RBFOX1: variants seen among roughly 807,000 people sequenced by gnomAD.
The protein encoded by RBFOX1 is RNA binding protein fox-1 homolog 1.
RBFOX1 carries 8 observed loss-of-function variants against 57.7 expected under a neutral mutation model. The ratio of observed to expected loss-of-function variants is 0.14; its 90% CI spans 0.08 to 0.25. The LOEUF (loss-of-function observed/expected upper bound fraction) is 0.25, where lower values mean the gene tolerates loss of function less well. RBFOX1 is among the 10% of genes least tolerant of loss of function. The pLI is 1.00. For synonymous variants in RBFOX1, 326 were observed against 222.4 expected (o/e 1.47, Z -4.15); for missense variants, 611 against 548.5 (o/e 1.11, Z -1.14).
chr16:5,931,358 A>G (rs2059053067), intron 4 of RBFOX1, among the ~76,000 whole-genome samples: 1 of 152,184 alleles, frequency 6.6e-6, no homozygotes, highest in African/African-American at 2.4e-5. Context: ...TTAACAAAAT[A>G]ACATCACTTG....
chr16:6,905,066 C>G (rs914098750), intron 3 of RBFOX1, among the ~76,000 whole-genome samples: 3 of 152,110 alleles, frequency 2.0e-5, no homozygotes, highest in Non-Finnish European at 2.9e-5. Flanking sequence ...ACTTAATAAA[C>G]TTCGTTTAAC....
intron 4 of RBFOX1, among the ~76,000 whole-genome samples, chr16:5,889,737 G>A (rs1281490583): frequency 2.6e-5 from 4 of 152,200 alleles, no homozygotes; most frequent in African/African-American, 9.6e-5. Context: ...ACCTAGTCCT[G>A]GGGTTGGGGA....
At chr16:6,427,276 C>T (rs555676971) in intron 2 of RBFOX1, among the ~76,000 whole-genome samples, 5 of 152,280 alleles carry the variant, frequency 3.3e-5, no homozygotes, top group East Asian at 1.9e-4. Flanking sequence ...TGATAAAAGC[C>T]GTCCAGAGTA....
At chr16:7,384,371 C>G (rs1033931402) in intron 4 of RBFOX1, among the ~76,000 whole-genome samples, 1 of 152,140 alleles carries the variant, frequency 6.6e-6, no homozygotes, top group East Asian at 1.9e-4. Context: ...TCAGGTGCAA[C>G]AGGCACCTTT....
intron 3 of RBFOX1, among the ~76,000 whole-genome samples, chr16:5,659,618 T>C (rs972966323): frequency 6.6e-6 from 1 of 152,172 alleles, no homozygotes; most frequent in African/African-American, 2.4e-5. Context: ...ATATCTTTTT[T>C]TGAAAATTTT....
intron 4 of RBFOX1, among the ~76,000 whole-genome samples, chr16:7,253,284 C>A (rs2094557737): frequency 6.6e-6 from 1 of 152,206 alleles, no homozygotes; most frequent in Non-Finnish European, 1.5e-5. Context: ...TCTGTCAGTT[C>A]TGTGGAGCTA....
intron 2 of RBFOX1, among the ~76,000 whole-genome samples, chr16:6,582,731 G>C (rs956375744): frequency 2.0e-5 from 3 of 146,876 alleles, no homozygotes; most frequent in African/African-American, 2.5e-5. Context: ...TCTCCTGACC[G>C]CTCCTTCCTC....
chr16:7,063,032 G>C (rs889876990), intron 4 of RBFOX1, among the ~76,000 whole-genome samples: 8 of 149,450 alleles, frequency 5.4e-5, no homozygotes, highest in African/African-American at 2.0e-4. Context: ...CCAAGAGTTT[G>C]GTTAAAGGTT....
chr16:5,516,846 C>A (rs28415146), intron 2 of RBFOX1, among the ~76,000 whole-genome samples: 1 of 152,016 alleles, frequency 6.6e-6, no homozygotes, highest in African/African-American at 2.4e-5. Context: ...GAGGCGCCTT[C>A]TGCCATGATT....
At chr16:7,483,137 G>A (rs566102785) in intron 4 of RBFOX1, among the ~76,000 whole-genome samples, 1 of 152,256 alleles carries the variant, frequency 6.6e-6, no homozygotes, top group Non-Finnish European at 1.5e-5. Flanking sequence ...GCTGTACCAA[G>A]GCTGTGCTGG....
At chr16:5,371,393 C>G (rs1041193680) in intron 1 of RBFOX1, among the ~76,000 whole-genome samples, 1 of 152,198 alleles carries the variant, frequency 6.6e-6, no homozygotes, top group Non-Finnish European at 1.5e-5. Flanking sequence ...TGGGAGGATA[C>G]AGGGAGAAGA....
At chr16:5,307,148 G>A (rs1377832762) in intron 1 of RBFOX1, among the ~76,000 whole-genome samples, 1 of 152,140 alleles carries the variant, frequency 6.6e-6, no homozygotes, top group Non-Finnish European at 1.5e-5. Flanking sequence ...TTGGCTACTC[G>A]CTTATTACAT....
chr16:7,651,447 C>T (rs1466390820), intron 11 of RBFOX1, among the ~76,000 whole-genome samples: 1 of 152,184 alleles, frequency 6.6e-6, no homozygotes, highest in African/African-American at 2.4e-5. Context: ...CCTCCTTGGT[C>T]GCAGCCAGGG....
intron 14 of RBFOX1, among the ~76,000 whole-genome samples, chr16:7,698,250 C>T (rs2079456360): frequency 6.6e-6 from 1 of 151,478 alleles, no homozygotes; most frequent in Admixed American, 6.6e-5. Context: ...GACTCACTAG[C>T]AGGAAGATAT....
chr16:7,192,303 A>T (rs1166995534), intron 4 of RBFOX1, among the ~76,000 whole-genome samples: 1 of 152,144 alleles, frequency 6.6e-6, no homozygotes, highest in Non-Finnish European at 1.5e-5. Context: ...ACGTTAGGGA[A>T]AATGTCATAT....
At position 7,240,267 on chromosome 16, in the gene RBFOX1, G is replaced by A. The variant is rs538508410; in HGVS notation, c.27+188169G>A. 1.2e-4 allele frequency among the ~76,000 whole-genome samples: 18 copies of A among 152,098 alleles called. 1 individual carries two copies. The South Asian group carries it at 1.5e-3, about 12-fold the overall frequency. On this transcript the variant is annotated intron_variant, in intron 4 of 15. Transcript: ENST00000550418. ...CAGGTATGAGCCGATGCATCCTGCC[G>A]AATCTATAAGATTTAAGGATAATAA...
At chr16:6,118,011 TA>T (rs2096515699) in intron 1 of RBFOX1, among the ~76,000 whole-genome samples, 1 of 152,218 alleles carries the variant, frequency 6.6e-6, no homozygotes, top group South Asian at 2.1e-4. Flanking sequence ...GTAAATAATT[TA>T]AAAATTTTTT....
At chr16:5,780,865 C>G (rs1218912962) in intron 3 of RBFOX1, among the ~76,000 whole-genome samples, 1 of 152,222 alleles carries the variant, frequency 6.6e-6, no homozygotes, top group East Asian at 1.9e-4. Flanking sequence ...GGTGCCATCG[C>G]TATCTGCACA....
intron 2 of RBFOX1, among the ~76,000 whole-genome samples, chr16:6,450,908 A>G (rs1246811012): frequency 1.5e-5 from 2 of 130,154 alleles, no homozygotes; most frequent in African/African-American, 5.8e-5. Context: ...CTTCTTCTTT[A>G]TAACCCCTGA....
Sources: gnomAD v4.1 joint callset for allele counts (sites outside exome capture counted in the v4.1 genomes callset) on GRCh38, gnomAD v4.1.1 for gene constraint, MANE v1.5 for transcripts, NCBI Gene and HGNC (gene_info 2026-07-23, HGNC 2026-07-21) for gene names.